Variants in DENND1B observed in about 807,000 individuals in gnomAD.
DENND1B encodes the protein DENN domain containing 1B.
Under a neutral mutation model 90.1 loss-of-function variants are expected in DENND1B, and 59 were observed. That is an observed-to-expected ratio of 0.65 (90% CI 0.53 to 0.81). The LOEUF is 0.81. DENND1B is among the 40% of genes least tolerant of loss of function. The pLI, the probability that DENND1B is intolerant of heterozygous loss-of-function variation, is 0.00. For missense variants in DENND1B, 862 were observed against 912.6 expected, an observed-to-expected ratio of 0.94 and a Z score of 0.71; for synonymous variants, 337 against 324.6, an observed-to-expected ratio of 1.04 and a Z score of -0.41.
intron 2 of DENND1B, among the ~76,000 whole-genome samples, chr1:197,771,483 C>T (rs1372430468): frequency 2.0e-5 from 3 of 152,112 alleles, no homozygotes; most frequent in Non-Finnish European, 2.9e-5. Flanking sequence ...CTCCCTACAA[C>T]CTAGGATCAC....
intron 2 of DENND1B, among the ~76,000 whole-genome samples, chr1:197,763,382 G>T (rs1045428920): frequency 6.6e-6 from 1 of 152,016 alleles, no homozygotes; most frequent in African/African-American, 2.4e-5. Flanking sequence ...AAATTATTAA[G>T]CCCATAATAC....
intron 10 of DENND1B, among the ~76,000 whole-genome samples, chr1:197,627,994 AACT>A (rs1678937846): frequency 6.6e-6 from 1 of 152,142 alleles, no homozygotes; most frequent in African/African-American, 2.4e-5. Context: ...CTTCAAGGAG[AACT>A]ACAAAACACT....
chr1:197,627,742 C>T (rs1678905774), intron 10 of DENND1B, among the ~76,000 whole-genome samples: 4 of 151,974 alleles, frequency 2.6e-5, no homozygotes. Flanking sequence ...TCAAATTGTC[C>T]CTGTTTGCAG....
intron 15 of DENND1B, among the ~76,000 whole-genome samples, chr1:197,573,011 C>CT (rs1409096999): frequency 6.6e-6 from 1 of 152,112 alleles, no homozygotes; most frequent in East Asian, 1.9e-4. Flanking sequence ...TTTATTGCGT[C>CT]TATTTGATTC....
chr1:197,521,178 A>G (rs538479628), intron 20 of DENND1B, among the ~76,000 whole-genome samples: 4 of 152,068 alleles, frequency 2.6e-5, no homozygotes, highest in Non-Finnish European at 5.9e-5. Context: ...GTCTGAGGAG[A>G]TCTCAAGAAA....
intron 10 of DENND1B, among the ~76,000 whole-genome samples, chr1:197,630,260 G>T (rs374110070): frequency 6.6e-6 from 1 of 151,994 alleles, no homozygotes; most frequent in East Asian, 1.9e-4. Context: ...ATTAATAATA[G>T]GAGTTTATTT....
At chr1:197,708,175 T>C (rs749741347) in intron 3 of DENND1B, among the ~76,000 whole-genome samples, 2 of 94,530 alleles carry the variant, frequency 2.1e-5, no homozygotes, top group East Asian at 6.1e-4. Flanking sequence ...TTGCCCAGGC[T>C]TGCTTAGGTA....
At chr1:197,626,992 T>C (rs552550509) in intron 10 of DENND1B, among the ~76,000 whole-genome samples, 12 of 152,172 alleles carry the variant, frequency 7.9e-5, no homozygotes, top group Non-Finnish European at 1.6e-4. Context: ...AAGTTGAATC[T>C]CTGAATAGAC....
chr1:197,744,123 A>G (rs1481483334), intron 2 of DENND1B, among the ~76,000 whole-genome samples: 1 of 152,180 alleles, frequency 6.6e-6, no homozygotes, highest in Non-Finnish European at 1.5e-5. Context: ...CTCCAAAGTC[A>G]TTCATGAACG....
rs5779882 is a variant in DENND1B, at chr1:197,607,178, T to TTA, written c.820-5_820-4insTA. On this transcript the variant is annotated splice_region_variant and splice_polypyrimidine_tract_variant and intron_variant, in intron 12 of 22. Coordinates refer to ENST00000620048, the MANE Select transcript of DENND1B (RefSeq NM_001195215.2). The stretch of plus-strand genomic sequence containing the variant: ...CCAATGATTTGTTTTTCACTCTCTA[T>TTA]AAAAAAAACACAATTATGAATACAA... 4,469 of 1,403,430 alleles carry TTA rather than the reference T, an allele frequency of 3.2e-3. 14 individuals carry two copies. The highest frequency in any genetic ancestry group is 3.8e-3 in the Non-Finnish European group (4,106 of 1,069,556). The allele number at this position is 1,403,430 out of a possible 1,614,324, so 86.9% of individuals were successfully genotyped here. A position where few individuals can be genotyped will look rare whatever the true frequency, so the allele number is the denominator to read the frequency against.
intron 3 of DENND1B, among the ~76,000 whole-genome samples, chr1:197,707,772 A>G (rs1452449859): frequency 1.3e-5 from 2 of 148,868 alleles, no homozygotes; most frequent in Non-Finnish European, 3.0e-5. Context: ...TCCCAGCGTG[A>G]GCGACGCAGA....
Position 197,669,127 on chromosome 1 carries a change from T to C in DENND1B, c.296+2910A>G, listed in dbSNP as rs1198827697. ...AACCCTTTCTTATAGTGGTTGTAAA[T>C]ATATTTCCACCAGTTTATTATTTGC... is the stretch of plus-strand genomic sequence containing the variant. On this transcript the variant is annotated intron_variant, in intron 5 of 22. Transcript: ENST00000620048. 2.6e-5 allele frequency among the ~76,000 whole-genome samples: 4 copies of C among 152,318 alleles called. No individual in the cohort carries two copies. The East Asian group carries it at 7.7e-4, about 29-fold the overall frequency.
intron 2 of DENND1B, among the ~76,000 whole-genome samples, chr1:197,720,821 T>A (rs1220237886): frequency 6.6e-6 from 1 of 152,144 alleles, no homozygotes. Context: ...TAAGCAACAG[T>A]GAAAATAAAA....
chr1:197,546,085 G>A (rs1175307166), intron 17 of DENND1B, 95 bp from the exon 18 acceptor site: 1 of 954,146 alleles, frequency 1.0e-6, no homozygotes, highest in African/African-American at 1.7e-5. Flanking sequence ...TAAAAAAAGG[G>A]CTTTACTCAC....
chr1:197,596,951 CCA>C (rs1291350965), intron 13 of DENND1B, among the ~76,000 whole-genome samples: 3 of 151,808 alleles, frequency 2.0e-5, no homozygotes, highest in African/African-American at 7.2e-5. Context: ...CCAATTATAA[CCA>C]CAGTTTCGAA....
intron 15 of DENND1B, among the ~76,000 whole-genome samples, chr1:197,581,386 G>A (rs563639461): frequency 4.1e-4 from 62 of 152,162 alleles, no homozygotes; most frequent in African/African-American, 9.6e-4. Flanking sequence ...TACATTTAAC[G>A]TCCTTGAACA....
chr1:197,725,427 G>T (rs551916655), intron 2 of DENND1B, among the ~76,000 whole-genome samples: 1 of 152,084 alleles, frequency 6.6e-6, no homozygotes, highest in South Asian at 2.1e-4. Context: ...AGCAGCTAAA[G>T]AAATTGTAAC....
chr1:197,607,190 A>T lies in DENND1B; in HGVS notation c.820-16T>A. 6.7e-7 allele frequency: 1 copy of T among 1,494,698 alleles called. No homozygotes were observed. Among genetic ancestry groups the T allele is most frequent in the Non-Finnish European group, 9.2e-7 (1 of 1,085,624 alleles). The allele number at this position is 1,494,698 out of a possible 1,614,324, so 92.6% of individuals were successfully genotyped here. On this transcript the variant is annotated splice_polypyrimidine_tract_variant and intron_variant, in intron 12 of 22. Transcript: ENST00000620048. ...TTTTCACTCTCTATAAAAAAAACAC[A>T]ATTATGAATACAAATCAGTATATTT... is the stretch of plus-strand genomic sequence containing the variant.
intron 14 of DENND1B, among the ~76,000 whole-genome samples, chr1:197,583,977 G>C (rs1328936875): frequency 6.6e-6 from 1 of 151,934 alleles, no homozygotes; most frequent in Admixed American, 6.6e-5. Flanking sequence ...TCATCAGCCT[G>C]AACAGCCCTT....
Sources: gnomAD v4.1 joint callset for allele counts (sites outside exome capture counted in the v4.1 genomes callset) on GRCh38, gnomAD v4.1.1 for gene constraint, MANE v1.5 for transcripts, NCBI Gene and HGNC (gene_info 2026-07-23, HGNC 2026-07-21) for gene names.